The following ASXL3 variants were observed in gnomAD, a reference collection of about 807,000 sequenced individuals.
ASXL3 encodes putative Polycomb group protein ASXL3.
Under a neutral mutation model 170.6 loss-of-function variants are expected in ASXL3, and 34 were observed. That is an observed-to-expected ratio of 0.20 (90% CI 0.15 to 0.27). The LOEUF (loss-of-function observed/expected upper bound fraction) is 0.27. Among genes scored for constraint, ASXL3 ranks in the 10% least tolerant of loss-of-function variants. ASXL3 has a pLI of 1.00. For missense variants in ASXL3, 2,592 were observed against 2,695.3 expected (o/e 0.96, Z 0.85); for synonymous variants, 1,002 against 989.1 (o/e 1.01, Z -0.24).
chr18:33,735,946 C>T (rs768525171), intron 10 of ASXL3, among the ~76,000 whole-genome samples: 4 of 152,056 alleles, frequency 2.6e-5, no homozygotes, highest in Non-Finnish European at 4.4e-5. Context: ...TTCTTTCATG[C>T]AAAAAATAAT....
At chr18:33,622,140 T>C (rs1380549099) in intron 2 of ASXL3, among the ~76,000 whole-genome samples, 1 of 152,148 alleles carries the variant, frequency 6.6e-6, no homozygotes, top group Non-Finnish European at 1.5e-5. Flanking sequence ...AATGGATCTT[T>C]AGTGTATCAA....
At chr18:33,711,969 A>G (rs1300167615) in intron 8 of ASXL3, among the ~76,000 whole-genome samples, 1 of 152,216 alleles carries the variant, frequency 6.6e-6, no homozygotes, top group Non-Finnish European at 1.5e-5. Context: ...TTCATGCTAT[A>G]TGAAAACAGT....
chr18:33,583,477 C>G (rs2065010079), intron 1 of ASXL3, among the ~76,000 whole-genome samples: 1 of 152,128 alleles, frequency 6.6e-6, no homozygotes, highest in Non-Finnish European at 1.5e-5. Context: ...TTCTTTCAAA[C>G]ATGGAACCTA....
intron 1 of ASXL3, among the ~76,000 whole-genome samples, chr18:33,601,791 A>G (rs1024852108): frequency 1.4e-5 from 2 of 142,552 alleles, no homozygotes; most frequent in Admixed American, 7.0e-5. Context: ...GATTGTATAT[A>G]TATAGTTTGT....
chr18:33,622,305 A>G (rs2065527968), intron 2 of ASXL3, among the ~76,000 whole-genome samples: 2 of 152,058 alleles, frequency 1.3e-5, no homozygotes, highest in Non-Finnish European at 2.9e-5. Context: ...TGACCTTCCT[A>G]TTGTCTAGGC....
chr18:33,664,819 T>G (rs1175989546), intron 5 of ASXL3, among the ~76,000 whole-genome samples: 3 of 152,220 alleles, frequency 2.0e-5, no homozygotes, highest in African/African-American at 7.2e-5. Context: ...TAATGTCCCT[T>G]GACGATTGAC....
intron 8 of ASXL3, among the ~76,000 whole-genome samples, chr18:33,695,960 A>T (rs1170735182): frequency 3.3e-5 from 5 of 152,164 alleles, no homozygotes; most frequent in Non-Finnish European, 1.5e-5. Context: ...CAGGAATGGT[A>T]AATGACTTAA....
intron 9 of ASXL3, among the ~76,000 whole-genome samples, chr18:33,733,695 C>T (rs1458645259): frequency 1.3e-5 from 2 of 152,172 alleles, no homozygotes; most frequent in South Asian, 2.1e-4. Context: ...TAATTGGCCT[C>T]AGCTTTTATT....
At chr18:33,636,922 T>A (rs1217142613) in intron 2 of ASXL3, among the ~76,000 whole-genome samples, 3 of 152,192 alleles carry the variant, frequency 2.0e-5, no homozygotes, top group African/African-American at 7.2e-5. Flanking sequence ...TCAAAAAGTT[T>A]CAAATTCTGG....
intron 1 of ASXL3, among the ~76,000 whole-genome samples, chr18:33,590,385 C>T (rs2065068288): frequency 6.6e-6 from 1 of 152,018 alleles, no homozygotes; most frequent in African/African-American, 2.4e-5. Context: ...TTGCCAAGAT[C>T]AGGTATCACG....
At chr18:33,678,800 A>G (rs1308244093) in intron 7 of ASXL3, among the ~76,000 whole-genome samples, 2 of 152,240 alleles carry the variant, frequency 1.3e-5, no homozygotes, top group African/African-American at 4.8e-5. Context: ...GCCAATTAAG[A>G]GTACACGTGT....
Position 33,582,738 on chromosome 18 carries a change from G to GTT in ASXL3, c.54+4054_54+4055insTT, listed in dbSNP as rs1279088798. On this transcript the variant is annotated intron_variant, in intron 1 of 11. Coordinates refer to ENST00000269197, the MANE Select transcript of ASXL3 (RefSeq NM_030632.3). ...TGTGTGTGTGTGTGTGTGTGTGTGTGTGTTTTCTTGGTAGTTCAAGGTGAC... is the reference window on the plus strand; with the variant it reads ...TGTGTGTGTGTGTGTGTGTGTGTGTGTTTGTTTTCTTGGTAGTTCAAGGTGAC... 3.9e-3 allele frequency among the ~76,000 whole-genome samples: 536 copies of GTT among 136,908 alleles called. 3 individuals are homozygous for GTT. Among genetic ancestry groups the GTT allele is most frequent in the African/African-American group, 0.015 (494 of 33,826 alleles). The allele number at this position is 136,908 out of a possible 152,430, so 89.8% of individuals were successfully genotyped here.
chr18:33,735,969 A>C (rs1189541111), intron 10 of ASXL3, among the ~76,000 whole-genome samples: 2 of 149,236 alleles, frequency 1.3e-5, no homozygotes. Flanking sequence ...TTGAGTATAC[A>C]CTGGCTCTGA....
rs771870857 is a variant in ASXL3, at chr18:33,726,583, G to A, written c.880-5385G>A. Among the ~76,000 whole-genome samples the A allele has an allele frequency of 5.9e-5, 9 of 152,170 alleles. No individual in the cohort carries two copies. In the South Asian group the frequency reaches 6.2e-4, roughly 11 times the overall value. On this transcript the variant is annotated intron_variant, in intron 8 of 11. Transcript: ENST00000269197. ...GAATATATGTTGAAATAATATTTTCGATAGTTTGGATTAAGAAAATGCATT... is the reference window on the plus strand; with the variant it reads ...GAATATATGTTGAAATAATATTTTCAATAGTTTGGATTAAGAAAATGCATT...
In ASXL3 at chr18:33,738,593, C is replaced by G. The variant is rs1282045990; in HGVS notation, c.1189C>G (p.Gln397Glu). The G allele has an allele frequency of 6.2e-7, 1 of 1,613,894 alleles. No homozygotes were observed. The highest frequency in any genetic ancestry group is 2.2e-5 in the East Asian group (1 of 44,878). Residue 397 changes from glutamine (Q) to glutamate (E), a missense_variant, in exon 11 of 12, where the codon CAG becomes GAG. Around this residue, in one of 4 missense-constraint regions of ASXL3, gnomAD observed 2,246 missense variants for 2,219.6 expected, o/e 1.01. Transcript: ENST00000269197. ...GACTTCTGGCCTTCCAGTTTCTGCACAGACAGCCTTGGCAGAACAACAGCC... is the reference window on the plus strand; with the variant it reads ...GACTTCTGGCCTTCCAGTTTCTGCAGAGACAGCCTTGGCAGAACAACAGCC... ...CGTSGLPVSA[Q>E]TALAEQQPKS...
chr18:33,678,161 C>G (rs967895714), intron 7 of ASXL3, among the ~76,000 whole-genome samples: 1 of 152,116 alleles, frequency 6.6e-6, no homozygotes, highest in Admixed American at 6.6e-5. Context: ...CTCCTGGCCT[C>G]AAACAATCCT....
At chr18:33,680,990 TTTGA>T (rs1284835943) in intron 7 of ASXL3, among the ~76,000 whole-genome samples, 2 of 152,048 alleles carry the variant, frequency 1.3e-5, no homozygotes, top group African/African-American at 4.8e-5. Flanking sequence ...GTGCCTTCCT[TTTGA>T]TTGAGTTTTT....
intron 2 of ASXL3, among the ~76,000 whole-genome samples, chr18:33,621,090 C>T (rs1429712558): frequency 6.6e-6 from 1 of 152,124 alleles, no homozygotes; most frequent in Non-Finnish European, 1.5e-5. Context: ...CAAACTAAGA[C>T]ATGAATGAGG....
intron 1 of ASXL3, among the ~76,000 whole-genome samples, chr18:33,597,201 T>A (rs1015137401): frequency 2.6e-5 from 4 of 151,916 alleles, no homozygotes; most frequent in Non-Finnish European, 4.4e-5. Flanking sequence ...ATATGTAGAG[T>A]CTCCAGGATT....
Sources: gnomAD v4.1 joint callset for allele counts (sites outside exome capture counted in the v4.1 genomes callset) on GRCh38, gnomAD v4.1.1 for gene constraint, gnomAD v4.1.1 regional missense constraint, MANE v1.5 for transcripts, NCBI Gene and HGNC (gene_info 2026-07-23, HGNC 2026-07-21) for gene names.